The following MARK4 variants were observed in gnomAD, a reference collection of about 807,000 sequenced individuals.
The protein encoded by MARK4 is MAP/microtubule affinity-regulating kinase 4.
Under a neutral mutation model 81.5 loss-of-function variants are expected in MARK4, and 19 were observed. That is an observed-to-expected ratio of 0.23 (90% confidence interval 0.16 to 0.34). The LOEUF (loss-of-function observed/expected upper bound fraction) is 0.34. Among genes scored for constraint, MARK4 ranks in the 10% least tolerant of loss-of-function variants. The pLI is 1.00. For missense variants in MARK4, 772 were observed against 1,058.8 expected (o/e 0.73, Z 3.76); for synonymous variants, 436 against 439.0 (o/e 0.99, Z 0.08).
intron 16 of MARK4, among the ~76,000 whole-genome samples, chr19:45,300,991 A>G (rs570197844): frequency 6.6e-6 from 1 of 152,208 alleles, no homozygotes; most frequent in Non-Finnish European, 1.5e-5. Context: ...GCACTCTCGT[A>G]CTTCAGGCGG....
At chr19:45,282,384 C>T (rs1462225654) in intron 12 of MARK4, among the ~76,000 whole-genome samples, 3 of 152,004 alleles carry the variant, frequency 2.0e-5, no homozygotes, top group Admixed American at 6.6e-5. Context: ...TACCAAACAA[C>T]GTACCCATTT....
At chr19:45,254,573 G>A (rs1479100943) in intron 1 of MARK4, among the ~76,000 whole-genome samples, 1 of 152,226 alleles carries the variant, frequency 6.6e-6, no homozygotes, top group Non-Finnish European at 1.5e-5. Flanking sequence ...TGTGACCTTG[G>A]GGGAGGGACT....
At chr19:45,283,803 A>G (rs528573325) in intron 12 of MARK4, among the ~76,000 whole-genome samples, 11 of 152,180 alleles carry the variant, frequency 7.2e-5, no homozygotes, top group Non-Finnish European at 1.0e-4. Flanking sequence ...TGGGAGTGGA[A>G]TTGCTGAGTC....
intron 1 of MARK4, among the ~76,000 whole-genome samples, chr19:45,252,692 C>T (rs1013087027): frequency 6.6e-6 from 1 of 152,142 alleles, no homozygotes; most frequent in African/African-American, 2.4e-5. Context: ...GGACCTGAAG[C>T]CTCTCGTCTT....
intron 2 of MARK4, 150 bp downstream of exon 2, chr19:45,259,339 G>T: frequency 1.2e-6 from 1 of 826,128 alleles, no homozygotes; most frequent in Non-Finnish European, 1.8e-6. Flanking sequence ...CAATATCTCT[G>T]ATGTTCCCAG....
Position 45,259,088 on chromosome 19 carries a change from G to T in MARK4, c.151G>T (p.Glu51Ter), listed in dbSNP as rs754507921. The stretch of plus-strand genomic sequence containing the variant: ...CCGGAACTCCATCGCCTCCTGTCCC[G>T]AGGAGCAGCCCCACGTGGGCAACTA... ...RCRNSIASCPEEQPHVGNYRL... is the reference protein window; with the variant it reads ...RCRNSIASCP The change falls in exon 2 of 17, where the codon GAG (glutamate) becomes TAG (stop). Residue 51 changes from glutamate to a stop codon, truncating the protein, a stop_gained. Coordinates refer to ENST00000262891, the MANE Select transcript of MARK4 (RefSeq NM_001199867.2). LOFTEE classifies it high-confidence loss of function. 1 of 1,614,126 alleles carries T rather than the reference G, an allele frequency of 6.2e-7. No homozygotes were observed. The highest frequency in any genetic ancestry group is 8.5e-7 in the Non-Finnish European group (1 of 1,180,038).
intron 8 of MARK4, among the ~76,000 whole-genome samples, chr19:45,274,142 G>A (rs1328685410): frequency 6.6e-6 from 1 of 152,154 alleles, no homozygotes; most frequent in Non-Finnish European, 1.5e-5. Flanking sequence ...CCAGCCACTC[G>A]GGTGGCTGAG....
intron 12 of MARK4, among the ~76,000 whole-genome samples, chr19:45,283,720 A>C (rs1375382377): frequency 1.3e-5 from 2 of 152,160 alleles, no homozygotes; most frequent in Non-Finnish European, 2.9e-5. Context: ...GTTGTGAATG[A>C]TGCTGCTGTG....
intron 12 of MARK4, among the ~76,000 whole-genome samples, chr19:45,284,500 T>A (rs936670103): frequency 2.0e-5 from 3 of 152,008 alleles, no homozygotes; most frequent in Non-Finnish European, 4.4e-5. Context: ...TTTTTTGTAT[T>A]TTTAGTAGAG....
chr19:45,301,557 CAAAAAA>C (rs10630193), intron 16 of MARK4, among the ~76,000 whole-genome samples: 7 of 49,516 alleles, frequency 1.4e-4, no homozygotes, highest in Admixed American at 6.2e-4. Flanking sequence ...AACTCTGTCT[CAAAAAA>C]AAAAAAAAAA....
chr19:45,264,343 A>C (rs946856920), intron 4 of MARK4, among the ~76,000 whole-genome samples: 2 of 152,094 alleles, frequency 1.3e-5, no homozygotes, highest in Non-Finnish European at 2.9e-5. Flanking sequence ...ATCTATTAAA[A>C]ATACAAAATT....
At chr19:45,290,130 T>C (rs754109737) in intron 13 of MARK4, among the ~76,000 whole-genome samples, 26 of 152,202 alleles carry the variant, frequency 1.7e-4, no homozygotes, top group Non-Finnish European at 3.7e-4. Context: ...AGTTTTTAAA[T>C]ACTAATTTTT....
chr19:45,257,992 T>C (rs967183884), intron 1 of MARK4, among the ~76,000 whole-genome samples: 28 of 149,756 alleles, frequency 1.9e-4, no homozygotes, highest in Admixed American at 4.7e-4. Context: ...CCTGGCCTTT[T>C]TTTTTTTTTT....
Position 45,304,294 on chromosome 19 carries a change from ACT to A in MARK4, c.*1588_*1589del, listed in dbSNP as rs1329820554. 6.6e-6 allele frequency: 1 copy of A among 152,120 alleles called. No homozygotes were observed. Among genetic ancestry groups the A allele is most frequent in the Non-Finnish European group, 1.5e-5 (1 of 68,036 alleles). 9.4% of individuals were successfully genotyped at this position (152,120 alleles called of 1,614,324 possible). ...TTTCCCAGCAAAAGTCCCAGGGCAG[ACT>A]CTCATTGGCCCAAATGGGCCATGTG... On this transcript the variant is annotated 3_prime_UTR_variant, in exon 17 of 17. Transcript: ENST00000262891.
intron 14 of MARK4, among the ~76,000 whole-genome samples, chr19:45,295,194 CAAAAAAA>C (rs778188519): frequency 1.5e-5 from 2 of 134,294 alleles, no homozygotes; most frequent in South Asian, 4.8e-4. Flanking sequence ...CTAAAAATAC[CAAAAAAA>C]AAAAAAAATT....
Position 45,264,586 on chromosome 19 carries a change from GT to G in MARK4, c.356-97del, listed in dbSNP as rs1970425720. ...GGGAGCCATTGAGTGTTGAGTTGGG[GT>G]GGGGGTGTTATGGTTGGCACATTTG... On this transcript the variant is annotated intron_variant, in intron 4 of 16. Transcript: ENST00000262891. 5 of 1,115,864 alleles carry G rather than the reference GT, an allele frequency of 4.5e-6. No individual in the cohort carries two copies. The Middle Eastern group carries it at 6.1e-4, about 136-fold the overall frequency. 69.1% of individuals were successfully genotyped at this position (1,115,864 alleles called of 1,614,324 possible).
intron 2 of MARK4, among the ~76,000 whole-genome samples, chr19:45,260,171 C>G (rs561697340): frequency 1.2e-4 from 18 of 152,132 alleles, no homozygotes; most frequent in Admixed American, 5.9e-4. Flanking sequence ...AAGTGGATCA[C>G]CTGAGGTCAG....
chr19:45,253,318 A>G (rs1178603803), intron 1 of MARK4, among the ~76,000 whole-genome samples: 3 of 152,090 alleles, frequency 2.0e-5, no homozygotes, highest in Non-Finnish European at 4.4e-5. Flanking sequence ...TGAAATGCCT[A>G]CCACCTCTGT....
chr19:45,254,678 G>A (rs918336523), intron 1 of MARK4, among the ~76,000 whole-genome samples: 4 of 152,204 alleles, frequency 2.6e-5, no homozygotes, highest in Non-Finnish European at 4.4e-5. Flanking sequence ...AGGCAGTGGC[G>A]GACGCGTGGT....
Sources: allele counts gnomAD v4.1 joint callset (sites outside exome capture counted in the v4.1 genomes callset), GRCh38; gene constraint gnomAD v4.1.1; transcripts MANE v1.5; gene names NCBI Gene and HGNC (gene_info 2026-07-23, HGNC 2026-07-21).